Variants in CLVS1 observed in about 807,000 individuals in gnomAD.
The protein encoded by CLVS1 is clavesin 1.
A neutral mutation model predicts 33.1 loss-of-function variants in CLVS1; 10 were observed. The observed-to-expected ratio is 0.30, with a 90% CI of 0.19 to 0.51. CLVS1 has a LOEUF of 0.51. Among genes scored for constraint, CLVS1 ranks in the 20% least tolerant of loss-of-function variants. CLVS1 has a pLI of 0.97. For synonymous variants in CLVS1, 163 were observed against 166.1 expected (o/e 0.98, Z 0.14); for missense variants, 343 against 433.4 (o/e 0.79, Z 1.85).
At chr8:61,291,656 C>T (rs547801597) in intron 1 of CLVS1, among the ~76,000 whole-genome samples, 30 of 152,232 alleles carry the variant, frequency 2.0e-4, no homozygotes, top group Admixed American at 7.2e-4. Context: ...TTCACTCTTT[C>T]CTTTTTTCTC....
intron 3 of CLVS1, among the ~76,000 whole-genome samples, chr8:61,435,232 C>A (rs1357771069): frequency 1.3e-5 from 2 of 152,132 alleles, no homozygotes; most frequent in Non-Finnish European, 2.9e-5. Context: ...CAGAGTGAGG[C>A]CCCAGGCCCT....
chr8:61,090,216 A>T (rs1194868167), intron 1 of CLVS1, among the ~76,000 whole-genome samples: 1 of 152,200 alleles, frequency 6.6e-6, no homozygotes, highest in African/African-American at 2.4e-5. Flanking sequence ...TAGAGACCTG[A>T]CGTACCTTAA....
At chr8:61,167,868 G>A (rs1489772385) in intron 2 of CLVS1, among the ~76,000 whole-genome samples, 1 of 152,170 alleles carries the variant, frequency 6.6e-6, no homozygotes, top group African/African-American at 2.4e-5. Context: ...CCATGGCAAT[G>A]TCAGAAAGTT....
intron 2 of CLVS1, among the ~76,000 whole-genome samples, chr8:61,258,887 G>T (rs1392082894): frequency 6.6e-6 from 1 of 152,120 alleles, no homozygotes; most frequent in Non-Finnish European, 1.5e-5. Flanking sequence ...CCTAGCTTTG[G>T]TTTTATTTTA....
chr8:61,157,858 G>A (rs1467341384), intron 2 of CLVS1, among the ~76,000 whole-genome samples: 1 of 151,934 alleles, frequency 6.6e-6, no homozygotes, highest in Non-Finnish European at 1.5e-5. Context: ...CCACTATAAT[G>A]GCTAAAATGA....
At chr8:61,303,565 C>T (rs1462010382) in intron 2 of CLVS1, among the ~76,000 whole-genome samples, 1 of 152,158 alleles carries the variant, frequency 6.6e-6, no homozygotes, top group Non-Finnish European at 1.5e-5. Flanking sequence ...TCAAACTGTG[C>T]AATATTATTT....
chr8:61,277,633 G>T (rs920471944), intron 2 of CLVS1, among the ~76,000 whole-genome samples: 1 of 151,948 alleles, frequency 6.6e-6, no homozygotes, highest in Non-Finnish European at 1.5e-5. Context: ...ACAAATGCTT[G>T]GGGGGGTAGG....
At chr8:61,304,185 G>A (rs895936314) in intron 2 of CLVS1, among the ~76,000 whole-genome samples, 2 of 152,232 alleles carry the variant, frequency 1.3e-5, no homozygotes, top group African/African-American at 2.4e-5. Flanking sequence ...GGTTTACTAA[G>A]ATTAAAATGG....
chr8:61,230,124 G>A (rs1341375331), intron 2 of CLVS1, among the ~76,000 whole-genome samples: 3 of 152,214 alleles, frequency 2.0e-5, no homozygotes, highest in African/African-American at 7.2e-5. Flanking sequence ...GGGAAGATAA[G>A]TGAGAGGGAG....
chr8:61,460,972 C>T (rs921156214), intron 5 of CLVS1, among the ~76,000 whole-genome samples: 1 of 152,204 alleles, frequency 6.6e-6, no homozygotes, highest in African/African-American at 2.4e-5. Flanking sequence ...TTGTCTGTTC[C>T]TGATTTGAGC....
At chr8:60,997,263 A>G in the CLVS1 span, among the ~76,000 whole-genome samples, 1 of 152,084 alleles carries the variant, frequency 6.6e-6, no homozygotes, top group African/African-American at 2.4e-5. Context: ...TCTAATGATG[A>G]GAAGCCCTCA....
At chr8:61,123,108 A>C (rs1805907041) in intron 1 of CLVS1, among the ~76,000 whole-genome samples, 1 of 142,592 alleles carries the variant, frequency 7.0e-6, no homozygotes, top group African/African-American at 2.6e-5. Flanking sequence ...CATCTCTACT[A>C]AAGATACAAA....
chr8:61,403,151 G>T (rs1814835596), intron 3 of CLVS1, among the ~76,000 whole-genome samples: 1 of 152,170 alleles, frequency 6.6e-6, no homozygotes, highest in Non-Finnish European at 1.5e-5. Context: ...CAGCTATTGA[G>T]GGAAAAATGT....
chr8:61,286,264 T>C (rs542624942), upstream of CLVS1, among the ~76,000 whole-genome samples: 2 of 152,264 alleles, frequency 1.3e-5, no homozygotes, highest in South Asian at 4.1e-4. Flanking sequence ...GCCCTGCCCA[T>C]ATGTAATAGG....
At chr8:61,341,210 T>A (rs1049635653) in intron 2 of CLVS1, among the ~76,000 whole-genome samples, 20 of 152,208 alleles carry the variant, frequency 1.3e-4, no homozygotes, top group African/African-American at 4.1e-4. Context: ...ACAAAATGAA[T>A]CCTGTTTCAC....
At chr8:61,415,437 T>A (rs184068312) in intron 3 of CLVS1, among the ~76,000 whole-genome samples, 40 of 152,300 alleles carry the variant, frequency 2.6e-4, no homozygotes, top group African/African-American at 9.1e-4. Flanking sequence ...TGGGGTAAAA[T>A]CTGTAAGCAG....
chr8:61,306,760 C>G (rs1040839202), intron 2 of CLVS1, among the ~76,000 whole-genome samples: 1 of 152,198 alleles, frequency 6.6e-6, no homozygotes, highest in Non-Finnish European at 1.5e-5. Context: ...ATTTACATCC[C>G]CTCCAACAAT....
At chr8:61,062,182 T>C (rs997968986) in intron 1 of CLVS1, among the ~76,000 whole-genome samples, 11 of 152,328 alleles carry the variant, frequency 7.2e-5, no homozygotes, top group African/African-American at 2.6e-4. Flanking sequence ...GTCAGCTTAA[T>C]GTGACTGCAT....
At chr8:61,394,419 G>T (rs575173355) in intron 3 of CLVS1, among the ~76,000 whole-genome samples, 34 of 152,258 alleles carry the variant, frequency 2.2e-4, no homozygotes, top group African/African-American at 8.2e-4. Context: ...TTTGTCTTCA[G>T]CTAGAAGAGC....
Sources: allele counts gnomAD v4.1 joint callset (sites outside exome capture counted in the v4.1 genomes callset), GRCh38; gene constraint gnomAD v4.1.1; transcripts MANE v1.5; gene names NCBI Gene and HGNC (gene_info 2026-07-23, HGNC 2026-07-21).